Variants in HCRTR1 observed in about 807,000 individuals in gnomAD.
HCRTR1 encodes the protein orexin/Hypocretin receptor type 1.
Under a neutral mutation model 40.6 loss-of-function variants are expected in HCRTR1, and 28 were observed. The ratio of observed to expected loss-of-function variants is 0.69; its 90% CI spans 0.51 to 0.95. The LOEUF is 0.95. Among genes scored for constraint, HCRTR1 ranks in the 40% least tolerant of loss-of-function variants. HCRTR1 has a pLI of 0.00. For synonymous variants in HCRTR1, 209 were observed against 230.0 expected, an observed-to-expected ratio of 0.91 and a Z score of 0.83; for missense variants, 482 against 564.7, an observed-to-expected ratio of 0.85 and a Z score of 1.48.
chr1:31,627,753 T>A (rs1329118905), downstream of HCRTR1: 1 of 221,152 alleles, frequency 4.5e-6, no homozygotes, highest in Admixed American at 5.3e-5. Flanking sequence ...CCACACGGGA[T>A]CCCAGATGGA....
At chr1:31,618,851 GA>G in intron 2 of HCRTR1, 35 bp downstream of exon 2, 1 of 339,714 alleles carries the variant, frequency 2.9e-6, no homozygotes. Flanking sequence ...GACAGATGGG[GA>G]AACCAAGGCT....
At chr1:31,624,822 T>C (rs1434262545) in intron 7 of HCRTR1, among the ~76,000 whole-genome samples, 175 bp from the exon 8 acceptor site, 1 of 152,138 alleles carries the variant, frequency 6.6e-6, no homozygotes, top group African/African-American at 2.4e-5. Flanking sequence ...ATACCCTCCA[T>C]GCTTGAGAAC....
At position 31,626,537 on chromosome 1, in the gene HCRTR1, C is replaced by T. The variant is rs959093358; in HGVS notation, c.1088-253C>T. On this transcript the variant is annotated intron_variant, in intron 8 of 8. Coordinates refer to ENST00000403528, the MANE Select transcript of HCRTR1 (RefSeq NM_001525.3). The surrounding 1 kb of genome is among the most constrained non-coding windows in gnomAD (Gnocchi z 4.6). The stretch of plus-strand genomic sequence containing the variant: ...GCCAGACACCACGTTTTGAGTCAGC[C>T]TCCGAGCCAGAGCACAGTCAAGGAA... Among the ~76,000 whole-genome samples the T allele has an allele frequency of 5.9e-5, 9 of 152,168 alleles. No individual in the cohort carries two copies. Among genetic ancestry groups the T allele is most frequent in the Non-Finnish European group, 1.0e-4 (7 of 68,038 alleles).
chr1:31,620,681 G>A (rs1027859169), intron 4 of HCRTR1, among the ~76,000 whole-genome samples, 162 bp from the exon 5 acceptor site: 4 of 152,184 alleles, frequency 2.6e-5, no homozygotes, highest in Non-Finnish European at 4.4e-5. Context: ...TTCTGTAGAC[G>A]AGGCTCAGAG....
At chr1:31,632,735 G>A (rs1640145204), downstream of HCRTR1, 2 of 1,416,770 alleles carry the variant, frequency 1.4e-6, no homozygotes, top group East Asian at 4.8e-5. Context: ...TCTCCAGGCT[G>A]GAGTAGGCGA....
chr1:31,629,183 A>G (rs1019595732), downstream of HCRTR1, among the ~76,000 whole-genome samples: 3 of 152,190 alleles, frequency 2.0e-5, no homozygotes, highest in Non-Finnish European at 4.4e-5. Flanking sequence ...AGCAGCCCAG[A>G]GGAGAATGCA....
chr1:31,621,414 G>A, intron 5 of HCRTR1, 63 bp from the exon 6 acceptor site: 2 of 1,269,720 alleles, frequency 1.6e-6, no homozygotes, highest in Non-Finnish European at 2.3e-6. Context: ...GGGTGGCATT[G>A]CTAACCAGGG....
chr1:31,621,333 G>T (rs1203499633), intron 5 of HCRTR1, 144 bp from the exon 6 acceptor site: 2 of 802,510 alleles, frequency 2.5e-6, no homozygotes, highest in Non-Finnish European at 4.2e-6. Context: ...CAACTCCAGG[G>T]TCTCTGTCTG....
At chr1:31,620,284 T>A (rs1459515967) in intron 4 of HCRTR1, among the ~76,000 whole-genome samples, 2 of 152,198 alleles carry the variant, frequency 1.3e-5, no homozygotes, top group East Asian at 3.9e-4. Context: ...CCCAGACTCA[T>A]CTCTGCCTCC....
At position 31,623,550 on chromosome 1, in the gene HCRTR1, CG is replaced by C. The variant is rs1639906734; in HGVS notation, c.768del (p.Asn257ThrfsTer16). On this transcript the variant is annotated frameshift_variant, in exon 7 of 9. Coordinates refer to ENST00000403528, the MANE Select transcript of HCRTR1 (RefSeq NM_001525.3). LOFTEE classifies it high-confidence loss of function. Reference sequence around the variant, plus strand: ...CCCCGGCACCACCTCAGCACTGGTGCGGAACTGGAAGCGCCCCTCAGACCAG... The same window carrying C: ...CCCCGGCACCACCTCAGCACTGGTGCGAACTGGAAGCGCCCCTCAGACCAG... Reference protein sequence around the residue: ...QIPGTTSALVRNWKRPSDQLG... With the variant: ...QIPGTTSALVXNWKRPSDQLG... 1 of 1,613,202 alleles carries C rather than the reference CG, an allele frequency of 6.2e-7. No individual in the cohort carries two copies. Among genetic ancestry groups the C allele is most frequent in the Non-Finnish European group, 8.5e-7 (1 of 1,179,882 alleles).
intron 7 of HCRTR1, among the ~76,000 whole-genome samples, 157 bp from the exon 8 acceptor site, chr1:31,624,840 C>G (rs907160680): frequency 6.6e-6 from 1 of 152,132 alleles, no homozygotes; most frequent in Non-Finnish European, 1.5e-5. Flanking sequence ...AACCCCAAAC[C>G]CTGGCCAAGA....
rs1482392922 is a variant in HCRTR1, at chr1:31,621,031, G to A, written c.567G>A (p.Leu189=). ...CAGTCATGGAATGCAGCAGTGTGCTGCCTGAGCTAGCCAACCGCACACGGC... is the reference window on the plus strand; with the variant it reads ...CAGTCATGGAATGCAGCAGTGTGCTACCTGAGCTAGCCAACCGCACACGGC... The part of the protein sequence containing the change: ...QAAVMECSSV[L]PELANRTRLF... The change falls in exon 5 of 9, where the codon CTG becomes CTA. Residue 189 remains leucine (L), a synonymous_variant. Transcript: ENST00000403528. The A allele has an allele frequency of 2.5e-6, 4 of 1,612,706 alleles. No individual in the cohort carries two copies. The highest frequency in any genetic ancestry group is 3.4e-6 in the Non-Finnish European group (4 of 1,179,986).
chr1:31,628,802 C>A (rs952911443), downstream of HCRTR1, among the ~76,000 whole-genome samples: 2 of 152,152 alleles, frequency 1.3e-5, no homozygotes, highest in Non-Finnish European at 2.9e-5. Flanking sequence ...AGATGCTCAG[C>A]GAGGGACTGC....
At chr1:31,619,814 T>A in intron 4 of HCRTR1, 104 bp downstream of exon 4, 1 of 1,076,292 alleles carries the variant, frequency 9.3e-7, no homozygotes, top group Non-Finnish European at 1.3e-6. Flanking sequence ...TTCAGACAGG[T>A]CAGTGGCTCA....
At chr1:31,624,563 G>A (rs970974680) in intron 7 of HCRTR1, among the ~76,000 whole-genome samples, 5 of 152,044 alleles carry the variant, frequency 3.3e-5, no homozygotes, top group Non-Finnish European at 5.9e-5. Flanking sequence ...AAAGAGGGTC[G>A]CAGGGCGCTG....
downstream of HCRTR1, chr1:31,630,611 G>A (rs199700612): frequency 1.9e-6 from 3 of 1,611,980 alleles, no homozygotes; most frequent in Admixed American, 1.7e-5. Flanking sequence ...CAGATGGTTG[G>A]GTCATAGCAT....
downstream of HCRTR1, among the ~76,000 whole-genome samples, chr1:31,633,775 G>A (rs1484437520): frequency 6.6e-6 from 1 of 152,050 alleles, no homozygotes; most frequent in African/African-American, 2.4e-5. Flanking sequence ...GACCAACATG[G>A]AGAAACCCCG....
chr1:31,628,094 C>A (rs1640015218), downstream of HCRTR1, among the ~76,000 whole-genome samples: 1 of 152,028 alleles, frequency 6.6e-6, no homozygotes, highest in African/African-American at 2.4e-5. Context: ...TGGAGTGCAG[C>A]CTGAAGTGCT....
chr1:31,619,205 GC>G lies in HCRTR1; in HGVS notation c.15del (p.Thr6ProfsTer72). The G allele has an allele frequency of 1.9e-6, 3 of 1,611,744 alleles. No individual in the cohort carries two copies. The highest frequency in any genetic ancestry group is 2.5e-6 in the Non-Finnish European group (3 of 1,179,952). MEPSATPGAQMGVPP... is the reference protein window; with the variant it reads MEPSXTPGAQMGVPP... ...GGCTCCTGAGCTCATGGAGCCCTCA[GC>G]CACCCCAGGGGCCCAGATGGGGGTC... On this transcript the variant is annotated frameshift_variant, in exon 3 of 9. Coordinates refer to ENST00000403528, the MANE Select transcript of HCRTR1 (RefSeq NM_001525.3). LOFTEE classifies it high-confidence loss of function.
Sources: allele counts gnomAD v4.1 joint callset (sites outside exome capture counted in the v4.1 genomes callset), GRCh38; gene constraint gnomAD v4.1.1; non-coding constraint Gnocchi (gnomAD v3.1); transcripts MANE v1.5; gene names NCBI Gene and HGNC (gene_info 2026-07-23, HGNC 2026-07-21).